Variants in ARHGAP24 observed in about 807,000 individuals in gnomAD.
The protein encoded by ARHGAP24 is Rho GTPase activating protein 24.
In ARHGAP24, 50 loss-of-function variants were observed where a neutral mutation model predicts 76.4. The ratio of observed to expected loss-of-function variants is 0.65; its 90% CI spans 0.52 to 0.83. The LOEUF (loss-of-function observed/expected upper bound fraction) is 0.83, where lower values mean the gene tolerates loss of function less well. Among genes scored for constraint, ARHGAP24 ranks in the 40% least tolerant of loss-of-function variants. The pLI, the probability that ARHGAP24 is intolerant of heterozygous loss-of-function variation, is 0.00. For synonymous variants in ARHGAP24, 345 were observed against 323.3 expected, an observed-to-expected ratio of 1.07 and a Z score of -0.72; for missense variants, 930 against 914.2, an observed-to-expected ratio of 1.02 and a Z score of -0.22.
intron 3 of ARHGAP24, among the ~76,000 whole-genome samples, chr4:85,794,607 C>T (rs979410792): frequency 3.3e-5 from 5 of 152,082 alleles, no homozygotes; most frequent in African/African-American, 7.2e-5. Context: ...CTCAGCCTCC[C>T]GAGTGGCCAG....
At chr4:85,646,003 G>A (rs1036005485) in intron 2 of ARHGAP24, among the ~76,000 whole-genome samples, 2 of 151,850 alleles carry the variant, frequency 1.3e-5, no homozygotes, top group East Asian at 1.9e-4. Context: ...AAGCCCTTAA[G>A]TGTGAAAAAT....
intron 2 of ARHGAP24, among the ~76,000 whole-genome samples, chr4:85,659,273 G>C: frequency 6.6e-6 from 1 of 152,156 alleles, no homozygotes; most frequent in East Asian, 1.9e-4. Flanking sequence ...ACAGAATGAG[G>C]GCGCTGCTAG....
At chr4:85,661,168 G>C (rs1187168583) in intron 2 of ARHGAP24, among the ~76,000 whole-genome samples, 1 of 152,194 alleles carries the variant, frequency 6.6e-6, no homozygotes, top group Non-Finnish European at 1.5e-5. Context: ...TTCTGCAGTT[G>C]AATGCAGTGA....
rs1048024091 is a variant in ARHGAP24 at position 85,502,780 on chromosome 4, G to GCAT, written c.-21+27223_-21+27225dup. Among the ~76,000 whole-genome samples, 130 of 152,276 alleles carry GCAT rather than the reference G, an allele frequency of 8.5e-4. 1 individual carries two copies. Among genetic ancestry groups the GCAT allele is most frequent in the African/African-American group, 2.5e-3 (103 of 41,530 alleles). ...TGTTGAATAGGAGTGGTGAGAGAGG[G>GCAT]CATCCTTGTCTTGTGCCAGTTTTCA... is the stretch of plus-strand genomic sequence containing the variant. On this transcript the variant is annotated intron_variant, in intron 1 of 9. Transcript: ENST00000395184.
At chr4:85,608,031 C>T (rs1420828486) in intron 2 of ARHGAP24, among the ~76,000 whole-genome samples, 9 of 151,958 alleles carry the variant, frequency 5.9e-5, no homozygotes, top group Admixed American at 1.3e-4. Flanking sequence ...AGCTAAGGAG[C>T]GAATGAAAAT....
At chr4:85,919,203 A>T (rs1412361146) in intron 3 of ARHGAP24, among the ~76,000 whole-genome samples, 3 of 152,234 alleles carry the variant, frequency 2.0e-5, no homozygotes, top group Admixed American at 1.3e-4. Flanking sequence ...TAAGTCCCGT[A>T]AAGGGCTAAC....
intron 2 of ARHGAP24, among the ~76,000 whole-genome samples, chr4:85,692,795 C>T (rs943237363): frequency 4.6e-5 from 7 of 152,308 alleles, no homozygotes; most frequent in African/African-American, 1.4e-4. Context: ...AGATTCTAAA[C>T]TCTATGTCTG....
At position 85,692,225 on chromosome 4, in the gene ARHGAP24, T is replaced by A. The variant is rs188572375; in HGVS notation, c.181-29660T>A. Among the ~76,000 whole-genome samples, 22 of 152,302 alleles carry A rather than the reference T, an allele frequency of 1.4e-4. No individual in the cohort carries two copies. In the East Asian group the frequency reaches 4.2e-3, roughly 29 times the overall value. ...CTAGCCTGACAGGGTTCCCTCTATATGTGATCTGACCCTTCTCTATATCTG... is the reference window on the plus strand; with the variant it reads ...CTAGCCTGACAGGGTTCCCTCTATAAGTGATCTGACCCTTCTCTATATCTG... On this transcript the variant is annotated intron_variant, in intron 2 of 9. Transcript: ENST00000395184.
intron 3 of ARHGAP24, among the ~76,000 whole-genome samples, chr4:85,787,254 C>G (rs568838093): frequency 6.6e-6 from 1 of 152,290 alleles, no homozygotes; most frequent in Non-Finnish European, 1.5e-5. Flanking sequence ...CAGGCCTTTG[C>G]TCTCCATATA....
At chr4:85,942,298 A>G in intron 5 of ARHGAP24, 25 bp downstream of exon 5, 2 of 1,611,924 alleles carry the variant, frequency 1.2e-6, no homozygotes, top group Non-Finnish European at 1.7e-6. Context: ...TTTACTAGCC[A>G]TCTTCACTGA....
At chr4:85,679,355 A>G (rs1175350823) in intron 2 of ARHGAP24, among the ~76,000 whole-genome samples, 1 of 152,190 alleles carries the variant, frequency 6.6e-6, no homozygotes, top group Non-Finnish European at 1.5e-5. Flanking sequence ...AATCTCCCCC[A>G]CAAAAGACAG....
intron 3 of ARHGAP24, among the ~76,000 whole-genome samples, chr4:85,853,238 C>T (rs976643825): frequency 7.9e-5 from 12 of 152,314 alleles, no homozygotes; most frequent in South Asian, 2.1e-4. Context: ...CAGACTGCTG[C>T]GCTAGCAATG....
chr4:85,757,073 G>A (rs564442476), intron 3 of ARHGAP24, among the ~76,000 whole-genome samples: 1 of 152,146 alleles, frequency 6.6e-6, no homozygotes, highest in South Asian at 2.1e-4. Flanking sequence ...TAATCTTTCT[G>A]AGCCTGTAAT....
At chr4:85,874,922 A>ATATATAATTTATATATAATATATTTT (rs1732770413) in intron 3 of ARHGAP24, among the ~76,000 whole-genome samples, 1 of 29,170 alleles carries the variant, frequency 3.4e-5, no homozygotes, top group Non-Finnish European at 6.7e-5. Context: ...AAATATATTT[A>ATATATAATTTATATATAATATATTTT]TATATAATTT....
At chr4:85,481,105 G>A (rs1025633688) in intron 1 of ARHGAP24, among the ~76,000 whole-genome samples, 10 of 151,878 alleles carry the variant, frequency 6.6e-5, no homozygotes, top group Non-Finnish European at 1.0e-4. Context: ...CTTCTTCTAC[G>A]TACCAAGTAC....
At chr4:85,923,499 C>G (rs1422664003) in intron 3 of ARHGAP24, 149 bp from the exon 4 acceptor site, 1 of 1,176,432 alleles carries the variant, frequency 8.5e-7, no homozygotes, top group Non-Finnish European at 1.2e-6. Context: ...TTTCTTTCCA[C>G]TCAGAAACCA....
intron 1 of ARHGAP24, among the ~76,000 whole-genome samples, chr4:85,517,350 G>T (rs749309399): frequency 5.9e-5 from 9 of 151,828 alleles, no homozygotes; most frequent in Admixed American, 1.3e-4. Context: ...TTTCTGAACA[G>T]TATATAATTG....
chr4:85,761,179 C>A (rs1726719254), intron 3 of ARHGAP24, among the ~76,000 whole-genome samples: 1 of 152,138 alleles, frequency 6.6e-6, no homozygotes, highest in Admixed American at 6.5e-5. Flanking sequence ...ATCACAAACA[C>A]CTTGGAGATA....
At chr4:85,684,662 C>T (rs957788506) in intron 2 of ARHGAP24, among the ~76,000 whole-genome samples, 1 of 152,184 alleles carries the variant, frequency 6.6e-6, no homozygotes, top group African/African-American at 2.4e-5. Flanking sequence ...TAAACAAAAG[C>T]TACACCCATG....
Sources: allele counts gnomAD v4.1 joint callset (sites outside exome capture counted in the v4.1 genomes callset), GRCh38; gene constraint gnomAD v4.1.1; transcripts MANE v1.5; gene names NCBI Gene and HGNC (gene_info 2026-07-23, HGNC 2026-07-21).